Variants in ZNF385D observed in about 807,000 individuals in gnomAD.
ZNF385D encodes zinc finger protein 659.
ZNF385D carries 15 observed loss-of-function variants against 35.8 expected under a neutral mutation model. That is an observed-to-expected ratio of 0.42 (90% CI 0.28 to 0.64). ZNF385D has a LOEUF of 0.64. Ranked by LOEUF, ZNF385D falls within the 30% of genes least tolerant of loss-of-function variation. ZNF385D has a pLI of 0.23. For missense variants in ZNF385D, 474 were observed against 494.6 expected (o/e 0.96, Z 0.39); for synonymous variants, 212 against 186.8 (o/e 1.13, Z -1.10).
chr3:22,168,719 T>TA (rs576342428), intron 3 of ZNF385D: 38 of 753,272 alleles, frequency 5.0e-5, no homozygotes, highest in South Asian at 6.0e-5. Context: ...TTTCCTGGTT[T>TA]AAAAAAATAG....
intron 3 of ZNF385D, among the ~76,000 whole-genome samples, chr3:22,019,914 A>G (rs1697122684): frequency 6.6e-6 from 1 of 151,952 alleles, no homozygotes; most frequent in Non-Finnish European, 1.5e-5. Context: ...TTATTTATTT[A>G]AAGTCTTTTT....
intron 4 of ZNF385D, among the ~76,000 whole-genome samples, chr3:21,477,000 G>T (rs749779478): frequency 1.2e-4 from 19 of 152,050 alleles, no homozygotes; most frequent in Non-Finnish European, 2.5e-4. Flanking sequence ...CCACCACAAG[G>T]TTCTTCTAAG....
chr3:21,748,677 G>A (rs1480147583), intron 1 of ZNF385D, among the ~76,000 whole-genome samples: 1 of 152,154 alleles, frequency 6.6e-6, no homozygotes, highest in Non-Finnish European at 1.5e-5. Context: ...GAAAAATGAA[G>A]AAGAAAGTAA....
intron 2 of ZNF385D, among the ~76,000 whole-genome samples, chr3:22,335,951 C>T (rs1003166883): frequency 2.6e-5 from 4 of 152,102 alleles, no homozygotes; most frequent in Non-Finnish European, 4.4e-5. Context: ...TATTTTGGGA[C>T]TTTGTGTTGT....
chr3:21,940,193 CT>C (rs1701447686), intron 3 of ZNF385D, among the ~76,000 whole-genome samples: 1 of 151,946 alleles, frequency 6.6e-6, no homozygotes, highest in South Asian at 2.1e-4. Flanking sequence ...TTCTCTATTC[CT>C]TTTTTCAACA....
intron 3 of ZNF385D, among the ~76,000 whole-genome samples, chr3:21,858,157 C>CAAAAAAA (rs34471727): frequency 8.4e-6 from 1 of 119,628 alleles, no homozygotes. Context: ...AAGAGTCTAT[C>CAAAAAAA]AAAAAAAAAA....
At chr3:21,548,379 G>T (rs997649570) in intron 3 of ZNF385D, among the ~76,000 whole-genome samples, 2 of 152,102 alleles carry the variant, frequency 1.3e-5, no homozygotes, top group Non-Finnish European at 2.9e-5. Context: ...AGCCTTCCTA[G>T]CATTAATGCC....
chr3:21,980,198 G>C (rs1576071237), intron 3 of ZNF385D, among the ~76,000 whole-genome samples: 1 of 152,084 alleles, frequency 6.6e-6, no homozygotes, highest in Non-Finnish European at 1.5e-5. Context: ...CTTGGCATGT[G>C]AATGAGCTAC....
intron 3 of ZNF385D, chr3:21,511,672 T>C: frequency 2.2e-6 from 1 of 456,344 alleles, no homozygotes; most frequent in Non-Finnish European, 4.4e-6. Flanking sequence ...AGCGCATGGA[T>C]CTTTCATGCC....
At chr3:21,471,730 A>G (rs746971680) in intron 4 of ZNF385D, among the ~76,000 whole-genome samples, 1 of 152,122 alleles carries the variant, frequency 6.6e-6, no homozygotes, top group Non-Finnish European at 1.5e-5. Flanking sequence ...CATTTCCCTT[A>G]AGACTTTTTA....
chr3:22,305,059 A>G (rs1703129820), intron 2 of ZNF385D, among the ~76,000 whole-genome samples: 1 of 151,928 alleles, frequency 6.6e-6, no homozygotes, highest in African/African-American at 2.4e-5. Flanking sequence ...ATTTTTCCTT[A>G]TCTCATCCAG....
intron 2 of ZNF385D, among the ~76,000 whole-genome samples, chr3:21,651,045 T>C (rs1189132592): frequency 1.3e-4 from 19 of 151,654 alleles, no homozygotes. Context: ...TTTGGGAGGC[T>C]GAGGCGGGCA....
At chr3:21,566,491 A>G (rs2063151957) in intron 2 of ZNF385D, among the ~76,000 whole-genome samples, 1 of 152,218 alleles carries the variant, frequency 6.6e-6, no homozygotes, top group East Asian at 1.9e-4. Context: ...TTAGCCAGGC[A>G]TGGTGGCAGG....
intron 3 of ZNF385D, among the ~76,000 whole-genome samples, chr3:21,791,071 C>T (rs2071908110): frequency 6.6e-6 from 1 of 152,124 alleles, no homozygotes; most frequent in African/African-American, 2.4e-5. Context: ...CTCAATTTAC[C>T]AGAGGTTATA....
rs117131954 is a variant in ZNF385D, at chr3:21,689,972, G to A, written c.23-24944C>T. On this transcript the variant is annotated intron_variant, in intron 1 of 7. Coordinates refer to ENST00000281523, the MANE Select transcript of ZNF385D (RefSeq NM_024697.3). ...TGAGACTTTACAACTCTTAATGAGTGCAAGTGAAACACTAATATTTTTGAT... is the reference window on the plus strand; with the variant it reads ...TGAGACTTTACAACTCTTAATGAGTACAAGTGAAACACTAATATTTTTGAT... Among the ~76,000 whole-genome samples the A allele has an allele frequency of 1.4e-4, 21 of 151,744 alleles. No homozygotes were observed. In the East Asian group the frequency reaches 2.5e-3, roughly 18 times the overall value.
chr3:22,046,373 G>C (rs1003012312), intron 3 of ZNF385D, among the ~76,000 whole-genome samples: 1 of 151,974 alleles, frequency 6.6e-6, no homozygotes, highest in Non-Finnish European at 1.5e-5. Context: ...CTCTGAAAAA[G>C]AATGCCCTGA....
rs1379573319 is a variant in ZNF385D at position 22,155,308 on chromosome 3, T to C, written c.325+13509A>G. 2.0e-5 allele frequency among the ~76,000 whole-genome samples: 3 copies of C among 151,718 alleles called. No individual in the cohort carries two copies. The East Asian group carries it at 5.8e-4, about 29-fold the overall frequency. On this transcript the variant is annotated intron_variant, in intron 3 of 5. Coordinates refer to the ZNF385D transcript ENST00000494108. ...ATGGGATGTGGGGTCTCCGCTTTGA[T>C]TTTTTTTCCATCAGAAATGAAATGA...
intron 3 of ZNF385D, among the ~76,000 whole-genome samples, chr3:21,819,862 C>G: frequency 6.8e-6 from 1 of 147,552 alleles, no homozygotes; most frequent in Admixed American, 6.8e-5. Context: ...TAAATATACA[C>G]ATATATACAC....
chr3:21,413,717 T>C lies in ZNF385D; in HGVS notation c.*7497A>G, dbSNP rs927652135. The stretch of plus-strand genomic sequence containing the variant: ...GGTCACAAGCATGTAGAGCAAACCA[T>C]AGTCTATTTTTAATTTCAAAATAGT... On this transcript the variant is annotated 3_prime_UTR_variant, in exon 8 of 8. Transcript: ENST00000281523. The C allele has an allele frequency of 6.6e-6, 1 of 152,126 alleles. No individual in the cohort carries two copies. The highest frequency in any genetic ancestry group is 1.5e-5 in the Non-Finnish European group (1 of 67,992). 9.4% of individuals were successfully genotyped at this position (152,126 alleles called of 1,614,324 possible). A position where few individuals can be genotyped will look rare whatever the true frequency, so the allele number is the denominator to read the frequency against.
Sources: gnomAD v4.1 joint callset for allele counts (sites outside exome capture counted in the v4.1 genomes callset) on GRCh38, gnomAD v4.1.1 for gene constraint, MANE v1.5 for transcripts, NCBI Gene and HGNC (gene_info 2026-07-23, HGNC 2026-07-21) for gene names.